TMEM120A: variants seen among roughly 807,000 people sequenced by gnomAD.
TMEM120A encodes the protein transmembrane protein 120A, also known as ion channel TACAN.
A neutral mutation model predicts 54.3 loss-of-function variants in TMEM120A; 45 were observed. The ratio of observed to expected loss-of-function variants is 0.83; its 90% CI spans 0.65 to 1.06. TMEM120A has a LOEUF of 1.06. Ranked by LOEUF, TMEM120A falls within the 50% of genes least tolerant of loss-of-function variation. The pLI is 0.00. For missense variants in TMEM120A, 424 were observed against 441.7 expected (o/e 0.96, Z 0.36); for synonymous variants, 204 against 178.5 (o/e 1.14, Z -1.14).
In TMEM120A at chr7:75,987,426, G is replaced by A; in HGVS notation, c.852C>T (p.Phe284=). 1.3e-6 allele frequency: 2 copies of A among 1,561,856 alleles called. No homozygotes were observed. The highest frequency in any genetic ancestry group is 8.7e-7 in the Non-Finnish European group (1 of 1,153,088). Residue 284 remains phenylalanine (F), a splice_region_variant and synonymous_variant, in exon 11 of 12, where the codon TTC becomes TTT. Transcript: ENST00000493111. The part of the protein sequence containing the change: ...FLLPFLFFGH[F]WQLFNALTLF... ...ACGTCAGCGCGTTAAAAAGCTGCCA[G>A]AACTAAGCAGGGAGGAGGCATTTTA...
At chr7:75,991,365 C>CT (rs1351933093) in intron 3 of TMEM120A, among the ~76,000 whole-genome samples, 1 of 152,114 alleles carries the variant, frequency 6.6e-6, no homozygotes, top group African/African-American at 2.4e-5. Flanking sequence ...GCTGCTACCT[C>CT]TCGCCCTCAG....
rs1789547776 is a variant in TMEM120A at position 75,987,256 on chromosome 7, G to C, written c.948C>G (p.Leu316=). The change falls in exon 12 of 12, where the codon CTC becomes CTG. Residue 316 remains leucine (L), a synonymous_variant. Coordinates refer to ENST00000493111, the MANE Select transcript of TMEM120A (RefSeq NM_031925.3). ...TGGTGAAGAAATTGCCGAGGAAAAGGAGGAGGAAGGGAAAGCCGCACATAA... is the reference window on the plus strand; with the variant it reads ...TGGTGAAGAAATTGCCGAGGAAAAGCAGGAGGAAGGGAAAGCCGCACATAA... ...QVLMCGFPFL[L]LFLGNFFTTL... The C allele has an allele frequency of 6.2e-7, 1 of 1,607,098 alleles. No individual in the cohort carries two copies. Among genetic ancestry groups the C allele is most frequent in the African/African-American group, 1.3e-5 (1 of 74,954 alleles).
chr7:75,987,289 C>A lies in TMEM120A; in HGVS notation c.919-4G>T. ...AGGGAAAGCCGCACATAAGCACCTG[C>A]CGGAGGAATAGGGTGAGGGCTGGAC... is the stretch of plus-strand genomic sequence containing the variant. On this transcript the variant is annotated splice_polypyrimidine_tract_variant and splice_region_variant and intron_variant, in intron 11 of 11. Coordinates refer to ENST00000493111, the MANE Select transcript of TMEM120A (RefSeq NM_031925.3). 6.3e-7 allele frequency: 1 copy of A among 1,593,312 alleles called. No individual in the cohort carries two copies. Among genetic ancestry groups the A allele is most frequent in the Admixed American group, 1.8e-5 (1 of 56,640 alleles).
In TMEM120A at chr7:75,987,981, G is replaced by T; in HGVS notation, c.633C>A (p.Pro211=). ...GGAATTTCTGGTACATGAGACCGTC[G>T]GGCCTAAGGTAAAAAGTGGAGGGCA... The part of the protein sequence containing the change: ...TFLSGVMLTW[P]DGLMYQKFRN... Residue 211 remains proline (P), a synonymous_variant, in exon 8 of 12, where the codon CCC becomes CCA. Transcript: ENST00000493111. 1 of 1,600,006 alleles carries T rather than the reference G, an allele frequency of 6.2e-7. No individual in the cohort carries two copies. The highest frequency in any genetic ancestry group is 1.1e-5 in the South Asian group (1 of 88,984).
chr7:75,988,561 C>T, intron 4 of TMEM120A, 45 bp from the exon 5 acceptor site: 1 of 1,394,140 alleles, frequency 7.2e-7, no homozygotes, highest in Non-Finnish European at 1.0e-6. Flanking sequence ...CTGGTGGGGC[C>T]CATGTGTGCC....
intron 3 of TMEM120A, among the ~76,000 whole-genome samples, chr7:75,991,165 G>C (rs964449300): frequency 6.6e-6 from 1 of 152,076 alleles, no homozygotes; most frequent in African/African-American, 2.4e-5. Flanking sequence ...TCAGCAGGGG[G>C]TTTTGCACTG....
At chr7:75,988,195 C>T (rs372363121) in intron 6 of TMEM120A, 47 bp from the exon 7 acceptor site, 137 of 1,611,520 alleles carry the variant, frequency 8.5e-5, no homozygotes, top group Middle Eastern at 1.7e-4. Context: ...TCCTGCTTCC[C>T]GGAGGGTCCT....
Position 75,992,576 on chromosome 7 carries a change from A to T in TMEM120A, c.82-19T>A. 1.3e-6 allele frequency: 2 copies of T among 1,539,100 alleles called. No homozygotes were observed. Among genetic ancestry groups the T allele is most frequent in the Non-Finnish European group, 1.8e-6 (2 of 1,139,336 alleles). The stretch of plus-strand genomic sequence containing the variant: ...GGGTCTCCTGGGGGCCGGAGGGGAG[A>T]GGCTCAGGCCAGTTGGGGAGCTACT... On this transcript the variant is annotated intron_variant, in intron 1 of 11. Coordinates refer to ENST00000493111, the MANE Select transcript of TMEM120A (RefSeq NM_031925.3).
rs782030571 is a variant in TMEM120A at position 75,988,269 on chromosome 7, G to A, written c.546C>T (p.Leu182=). The change falls in exon 6 of 12, where the codon CTC becomes CTT. Residue 182 remains leucine (L), a synonymous_variant. Transcript: ENST00000493111. ...CTGCCCACCGGGAGCCGTTGTTGAT[G>A]AGGATGCTCTCCCGGATGGTCAGGG... The part of the protein sequence containing the change: ...YCTLTIRESI[L]INNGSRIKGW... 2.4e-5 allele frequency: 39 copies of A among 1,612,106 alleles called. No individual in the cohort carries two copies. The highest frequency in any genetic ancestry group is 4.2e-6 in the Non-Finnish European group (5 of 1,179,914).
intron 1 of TMEM120A, 35 bp from the exon 2 acceptor site, chr7:75,992,592 G>C (rs1554562138): frequency 1.3e-6 from 2 of 1,486,850 alleles, no homozygotes; most frequent in Non-Finnish European, 1.8e-6. Context: ...AGGCCAGTTG[G>C]GGAGCTACTG....
chr7:75,994,489 C>T lies in TMEM120A; in HGVS notation c.81+1G>A, dbSNP rs1789987314. 6.4e-7 allele frequency: 1 copy of T among 1,563,842 alleles called. No homozygotes were observed. Among genetic ancestry groups the T allele is most frequent in the Non-Finnish European group, 8.7e-7 (1 of 1,155,374 alleles). The stretch of plus-strand genomic sequence containing the variant: ...GACCCGGCGTCCGCAGCGGCGCTAA[C>T]CTGGATGTTCTGGAAGTCCTGCTGT... On this transcript the variant is annotated splice_donor_variant, in intron 1 of 11. Coordinates refer to ENST00000493111, the MANE Select transcript of TMEM120A (RefSeq NM_031925.3). LOFTEE classifies it high-confidence loss of function.
chr7:75,987,187 C>G lies in TMEM120A; in HGVS notation c.1017G>C (p.Gly339=). The change falls in exon 12 of 12, where the codon GGG becomes GGC. Residue 339 remains glycine, a synonymous_variant. Transcript: ENST00000493111. ...AGGCCCAGCCTCAATCCTTCTTGCT[C>G]CCGTGCCGCTGACTGTGAAACTTGT... ...VHHKFHSQRH[G]SKKD 1 of 1,602,578 alleles carries G rather than the reference C, an allele frequency of 6.2e-7. No individual in the cohort carries two copies. The highest frequency in any genetic ancestry group is 8.5e-7 in the Non-Finnish European group (1 of 1,175,502).
intron 3 of TMEM120A, among the ~76,000 whole-genome samples, chr7:75,991,617 C>T (rs782237508): frequency 8.5e-5 from 13 of 152,182 alleles, no homozygotes; most frequent in Admixed American, 5.9e-4. Context: ...GTTGCCCAGG[C>T]GGGTCTTGAA....
chr7:75,993,840 G>A (rs1213701186), intron 1 of TMEM120A, among the ~76,000 whole-genome samples: 2 of 152,152 alleles, frequency 1.3e-5, no homozygotes, highest in Admixed American at 1.3e-4. Context: ...GAACAGCCAC[G>A]GTGGCCCTGG....
chr7:75,990,466 A>C (rs1445122847), intron 3 of TMEM120A, among the ~76,000 whole-genome samples: 4 of 151,976 alleles, frequency 2.6e-5, no homozygotes, highest in Non-Finnish European at 5.9e-5. Flanking sequence ...CAGCAGGTGG[A>C]TGTGCTCGAG....
At position 75,987,490 on chromosome 7, in the gene TMEM120A, G is replaced by C. The variant is rs371339763; in HGVS notation, c.849+48C>G. Reference sequence around the variant, plus strand: ...GTCCCTGCTGGAGCCCGAAACCGGCGCAGAGGACGGACAGACAGACAGGCA... The same window carrying C: ...GTCCCTGCTGGAGCCCGAAACCGGCCCAGAGGACGGACAGACAGACAGGCA... On this transcript the variant is annotated intron_variant, in intron 10 of 11. Coordinates refer to ENST00000493111, the MANE Select transcript of TMEM120A (RefSeq NM_031925.3). 5.2e-4 allele frequency: 761 copies of C among 1,452,786 alleles called. 1 individual carries two copies. The highest frequency in any genetic ancestry group is 3.2e-3 in the Admixed American group (127 of 40,292). 90.0% of individuals were successfully genotyped at this position (1,452,786 alleles called of 1,614,324 possible).
chr7:75,987,317 G>A, intron 11 of TMEM120A, 32 bp from the exon 12 acceptor site: 3 of 1,571,030 alleles, frequency 1.9e-6, no homozygotes, highest in Non-Finnish European at 2.6e-6. Flanking sequence ...GGCTGGACAT[G>A]GGCCTGGCCC....
Position 75,994,550 on chromosome 7 carries a change from G to T in TMEM120A, c.21C>A (p.Gly7=). The change falls in exon 1 of 12, where the codon GGC becomes GGA. Residue 7 remains glycine, a synonymous_variant. Transcript: ENST00000493111. MQPPPP[G]PLGDCLRDWE... Reference sequence around the variant, plus strand: ...AGTCCCGCAGGCAGTCGCCCAGCGGGCCCGGGGGCGGGGGCTGCATGGCTG... The same window carrying T: ...AGTCCCGCAGGCAGTCGCCCAGCGGTCCCGGGGGCGGGGGCTGCATGGCTG... 2 of 1,554,640 alleles carry T rather than the reference G, an allele frequency of 1.3e-6. No homozygotes were observed. Among genetic ancestry groups the T allele is most frequent in the Admixed American group, 3.9e-5 (2 of 51,944 alleles).
Position 75,986,973 on chromosome 7 carries a change from A to C in TMEM120A, c.*199T>G, listed in dbSNP as rs1343281525. 7 of 609,466 alleles carry C rather than the reference A, an allele frequency of 1.1e-5. No individual in the cohort carries two copies. The African/African-American group carries it at 1.3e-4, about 11-fold the overall frequency. The allele number at this position is 609,466 out of a possible 1,614,324, so 37.8% of individuals were successfully genotyped here. On this transcript the variant is annotated 3_prime_UTR_variant, in exon 12 of 12. Transcript: ENST00000493111. ...GCCCTCCCCTCCCCCAGGAGAACAC[A>C]CACGCTCAGGCCACCTCTGGGCCTC...
Sources: gnomAD v4.1 joint callset for allele counts (sites outside exome capture counted in the v4.1 genomes callset) on GRCh38, gnomAD v4.1.1 for gene constraint, MANE v1.5 for transcripts, NCBI Gene and HGNC (gene_info 2026-07-23, HGNC 2026-07-21) for gene names.